DNAH5: variants seen among roughly 807,000 people sequenced by gnomAD.
DNAH5 encodes axonemal beta dynein heavy chain 5.
DNAH5 carries 372 observed loss-of-function variants against 518.2 expected under a neutral mutation model. That is an observed-to-expected ratio of 0.72 (90% CI 0.66 to 0.78). DNAH5 has a LOEUF of 0.78. Among genes scored for constraint, DNAH5 ranks in the 30% least tolerant of loss-of-function variants. DNAH5 has a pLI of 0.00. For synonymous variants in DNAH5, 2,039 were observed against 2,025.9 expected (o/e 1.01, Z -0.17); for missense variants, 5,523 against 5,687.0 (o/e 0.97, Z 0.93).
At chr5:13,731,370 G>A (rs1053845032) in intron 68 of DNAH5, among the ~76,000 whole-genome samples, 4 of 152,148 alleles carry the variant, frequency 2.6e-5, no homozygotes, top group Non-Finnish European at 5.9e-5. Flanking sequence ...ATCCACCAGA[G>A]GGTTAGGGAA....
Position 13,916,440 on chromosome 5 carries a change from C to T in DNAH5, c.1105G>A (p.Ala369Thr), listed in dbSNP as rs762809871. 4 of 1,552,924 alleles carry T rather than the reference C, an allele frequency of 2.6e-6. No homozygotes were observed. In the African/African-American group the frequency reaches 5.4e-5, roughly 21 times the overall value. Residue 369 changes from alanine (A) to threonine (T), a missense_variant, in exon 9 of 79, where the codon GCT becomes ACT. Ala to Thr is a moderately conservative substitution (Grantham distance 58). This residue lies in a region of DNAH5 where 5,121 missense variants were observed against 5,223.3 expected (regional missense o/e 0.98). Coordinates refer to ENST00000265104, the MANE Select transcript of DNAH5 (RefSeq NM_001369.3). The stretch of plus-strand genomic sequence containing the variant: ...ATTGCATTTATAAGTGTAGGAATAG[C>T]ATCCATCATGGATAGCTGAAAGATA... ...YSSDPLSMMD[A>T]IPTLINAIKM...
At chr5:13,842,530 A>G (rs952558062) in intron 32 of DNAH5, among the ~76,000 whole-genome samples, 1 of 152,014 alleles carries the variant, frequency 6.6e-6, no homozygotes, top group Non-Finnish European at 1.5e-5. Flanking sequence ...TCAATTCCAA[A>G]TAAACCATAC....
chr5:13,829,751 C>A, intron 37 of DNAH5, 47 bp from the exon 38 acceptor site: 5 of 1,530,432 alleles, frequency 3.3e-6, no homozygotes, highest in Non-Finnish European at 4.5e-6. Flanking sequence ...ATCAAGCACA[C>A]ATCAGCATCA....
rs540843888 is a variant in DNAH5 at position 13,915,504 on chromosome 5, G to A, written c.1197+844C>T. On this transcript the variant is annotated intron_variant, in intron 9 of 78. Coordinates refer to ENST00000265104, the MANE Select transcript of DNAH5 (RefSeq NM_001369.3). ...TGTCATTTACCCAGGGAATACTCTC[G>A]CAACCCTAACATATAATTTTAACGT... Among the ~76,000 whole-genome samples the A allele has an allele frequency of 6.6e-5, 10 of 152,000 alleles. No homozygotes were observed. The South Asian group carries it at 1.0e-3, about 16-fold the overall frequency.
intron 5 of DNAH5, among the ~76,000 whole-genome samples, chr5:13,921,756 C>CAA (rs1554104146): frequency 6.9e-6 from 1 of 145,156 alleles, no homozygotes; most frequent in Non-Finnish European, 1.5e-5. Context: ...ACACACCCCC[C>CAA]CACACACACA....
rs201006818 is a variant in DNAH5, at chr5:13,885,279, GGATA to G, written c.2744-55_2744-52del. On this transcript the variant is annotated intron_variant, in intron 18 of 78. Coordinates refer to ENST00000265104, the MANE Select transcript of DNAH5 (RefSeq NM_001369.3). ...ATAGAGATAAGTTAGATGGATGGAT[GGATA>G]GATAGACAGATAGATAGACAGATAG... 3.1e-3 allele frequency: 4,927 copies of G among 1,594,060 alleles called. 130 individuals are homozygous for G. The African/African-American group carries it at 0.053, about 17-fold the overall frequency.
chr5:13,916,336 T>C lies in DNAH5; in HGVS notation c.1197+12A>G, dbSNP rs1776639585. The C allele has an allele frequency of 1.5e-6, 2 of 1,342,966 alleles. No individual in the cohort carries two copies. The highest frequency in any genetic ancestry group is 2.1e-6 in the Non-Finnish European group (2 of 936,694). 83.2% of individuals were successfully genotyped at this position (1,342,966 alleles called of 1,614,324 possible). On this transcript the variant is annotated intron_variant, in intron 9 of 78. Transcript: ENST00000265104. ...AATACAAATGAACATGGACTCTACA[T>C]CATGCACTTACCTTTACAAACAGAG...
chr5:13,871,771 T>G lies in DNAH5; in HGVS notation c.3397-6A>C. ...TCCATGGATGTAATAACTTCCTGAA[T>G]GCAAATAACAGATTTATGTTAAGAA... On this transcript the variant is annotated splice_polypyrimidine_tract_variant and splice_region_variant and intron_variant, in intron 22 of 78. Transcript: ENST00000265104. The G allele has an allele frequency of 6.2e-7, 1 of 1,611,558 alleles. No homozygotes were observed. The highest frequency in any genetic ancestry group is 8.5e-7 in the Non-Finnish European group (1 of 1,177,888).
At chr5:14,011,682 C>T (rs1225785467) in exon 1 of DNAH5, among the ~76,000 whole-genome samples, 4 of 152,126 alleles carry the variant, frequency 2.6e-5, no homozygotes, top group Non-Finnish European at 5.9e-5. Flanking sequence ...CGGCGCTCCG[C>T]TGGGACTCGT....
chr5:13,746,043 A>G (rs958871231), intron 65 of DNAH5, among the ~76,000 whole-genome samples: 1 of 152,148 alleles, frequency 6.6e-6, no homozygotes, highest in Non-Finnish European at 1.5e-5. Flanking sequence ...ATAAGACAAC[A>G]TAAAAATAGT....
Position 13,798,172 on chromosome 5 carries a change from G to A in DNAH5, c.7888-4114C>T, listed in dbSNP as rs535405996. On this transcript the variant is annotated intron_variant, in intron 47 of 78. Transcript: ENST00000265104. ...TACCTATGTATCAAACCTGCACACTGTGCACATGTATCCTAGAACAACTTA... is the reference window on the plus strand; with the variant it reads ...TACCTATGTATCAAACCTGCACACTATGCACATGTATCCTAGAACAACTTA... 1.2e-3 allele frequency among the ~76,000 whole-genome samples: 187 copies of A among 152,232 alleles called. 1 individual carries two copies. Among genetic ancestry groups the A allele is most frequent in the African/African-American group, 4.1e-3 (171 of 41,530 alleles).
chr5:14,000,327 C>T (rs56105484), intron 1 of DNAH5, among the ~76,000 whole-genome samples: 4,832 of 152,264 alleles, frequency 0.032, 154 homozygotes, highest in African/African-American at 0.082. Context: ...GAGCAAGGCC[C>T]GGAAAAAGCC....
chr5:13,788,639 A>C, intron 51 of DNAH5, 77 bp downstream of exon 51: 2 of 1,263,492 alleles, frequency 1.6e-6, no homozygotes, highest in Non-Finnish European at 2.3e-6. Flanking sequence ...AACATCCATA[A>C]ACTGAATCTT....
Position 13,891,105 on chromosome 5 carries a change from CA to C in DNAH5, c.2447del (p.Leu816ArgfsTer8), listed in dbSNP as rs1561517181. 1 of 1,614,084 alleles carries C rather than the reference CA, an allele frequency of 6.2e-7. No individual in the cohort carries two copies. Among genetic ancestry groups the C allele is most frequent in the African/African-American group, 1.3e-5 (1 of 75,038 alleles). ...CAATCAAATCATTGACCCTGTCAAG[CA>C]GCAACTCCAGGTCCTCTTTGGGAAA... Reference protein sequence around the residue: ...TFAKIKDLELLLDRVNDLIEF... With the variant: ...TFAKIKDLELXLDRVNDLIEF... On this transcript the variant is annotated frameshift_variant, in exon 17 of 79. Transcript: ENST00000265104. LOFTEE classifies it high-confidence loss of function.
chr5:13,753,499 G>C lies in DNAH5; in HGVS notation c.10606C>G (p.Gln3536Glu). Reference protein sequence around the residue: ...AFLSYSGPFNQEFRDLLLNDW... With the variant: ...AFLSYSGPFNEEFRDLLLNDW... ...TTTAACAGAAGATCACGAAACTCTT[G>C]GTTAAATGGACCAGAATAAGATAGA... Residue 3536 changes from glutamine to glutamate, a missense_variant, in exon 63 of 79, where the codon CAA becomes GAA. Transcript: ENST00000265104. The C allele has an allele frequency of 6.2e-7, 1 of 1,613,938 alleles. No individual in the cohort carries two copies. Among genetic ancestry groups the C allele is most frequent in the Non-Finnish European group, 8.5e-7 (1 of 1,179,946 alleles).
intron 47 of DNAH5, among the ~76,000 whole-genome samples, chr5:13,805,257 T>TGA (rs1188956296): frequency 6.6e-6 from 1 of 152,156 alleles, no homozygotes; most frequent in Non-Finnish European, 1.5e-5. Flanking sequence ...CCCAGCACTT[T>TGA]GAGAGGCCCA....
At chr5:13,741,696 T>C (rs560437301) in intron 65 of DNAH5, among the ~76,000 whole-genome samples, 1 of 152,288 alleles carries the variant, frequency 6.6e-6, no homozygotes, top group Admixed American at 6.5e-5. Context: ...ACTATCACTA[T>C]CATTTCTGAG....
At chr5:13,735,763 A>G in intron 67 of DNAH5, 55 bp downstream of exon 67, 1 of 1,302,194 alleles carries the variant, frequency 7.7e-7, no homozygotes, top group Non-Finnish European at 1.1e-6. Flanking sequence ...ATGTAATGTC[A>G]TCATTTTAGT....
intron 65 of DNAH5, among the ~76,000 whole-genome samples, chr5:13,740,741 A>C (rs1450249908): frequency 6.6e-6 from 1 of 151,432 alleles, no homozygotes; most frequent in Non-Finnish European, 1.5e-5. Context: ...CAAATAACTC[A>C]CTCTCTTCCC....
Sources: allele counts gnomAD v4.1 joint callset (sites outside exome capture counted in the v4.1 genomes callset), GRCh38; gene constraint gnomAD v4.1.1; regional missense constraint gnomAD v4.1.1; transcripts MANE v1.5; gene names NCBI Gene and HGNC (gene_info 2026-07-23, HGNC 2026-07-21).